Variants in AIF1 observed in about 807,000 individuals in gnomAD.
AIF1 encodes the protein interferon gamma responsive transcript.
Under a neutral mutation model 20.6 loss-of-function variants are expected in AIF1, and 21 were observed. The observed-to-expected ratio is 1.02, with a 90% CI of 0.72 to 1.47. The LOEUF (loss-of-function observed/expected upper bound fraction) is 1.47, where lower values mean the gene tolerates loss of function less well. Among genes scored for constraint, AIF1 ranks in the 40% most tolerant of loss-of-function variants. The pLI, the probability that AIF1 is intolerant of heterozygous loss-of-function variation, is 0.00. For synonymous variants in AIF1, 52 were observed against 65.8 expected (o/e 0.79, Z 1.01); for missense variants, 161 against 170.5 (o/e 0.94, Z 0.31).
Position 31,616,029 on chromosome 6 carries a change from G to A in AIF1, c.155-75G>A, listed in dbSNP as rs1188002749. 3 of 1,522,764 alleles carry A rather than the reference G, an allele frequency of 2.0e-6. No homozygotes were observed. The African/African-American group carries it at 4.2e-5, about 21-fold the overall frequency. The allele number at this position is 1,522,764 out of a possible 1,614,324, so 94.3% of individuals were successfully genotyped here. A position where few individuals can be genotyped will look rare whatever the true frequency, so the allele number is the denominator to read the frequency against. Reference sequence around the variant, plus strand: ...GTCTCCTCCACCTAGCAGTTGGTTGGCAACCCCTTCCTCAGTCCCCTGCTG... The same window carrying A: ...GTCTCCTCCACCTAGCAGTTGGTTGACAACCCCTTCCTCAGTCCCCTGCTG... On this transcript the variant is annotated intron_variant, in intron 3 of 5. Coordinates refer to ENST00000376059, the MANE Select transcript of AIF1 (RefSeq NM_001623.5). The surrounding 1 kb of genome is among the most constrained non-coding windows in gnomAD (Gnocchi z 4.0).
chr6:31,616,169 G>C lies in AIF1; in HGVS notation c.196+24G>C. 1 of 1,612,216 alleles carries C rather than the reference G, an allele frequency of 6.2e-7. No individual in the cohort carries two copies. Among genetic ancestry groups the C allele is most frequent in the African/African-American group, 1.3e-5 (1 of 75,008 alleles). ...TGGTGAGAAACGGGTGATTTGCGGG[G>C]GCAGGGTGGTGTGCAGGCCTAAGAA... On this transcript the variant is annotated intron_variant, in intron 4 of 5. Transcript: ENST00000376059. The surrounding 1 kb of genome is among the most constrained non-coding windows in gnomAD (Gnocchi z 4.0).
chr6:31,616,142 A>G lies in AIF1; in HGVS notation c.193A>G (p.Ile65Val). Residue 65 changes from isoleucine (I) to valine (V), a missense_variant, in exon 4 of 6, where the codon ATT (isoleucine) becomes GTT (valine). Physicochemically the swap from Ile to Val is conservative, Grantham distance 29. Transcript: ENST00000376059. The surrounding 1 kb of genome is among the most constrained non-coding windows in gnomAD (Gnocchi z 4.0). ...MEFDLNGNGD[I>V]DIMSLKRMLE... ...GTTTGACCTTAATGGAAATGGCGAT[A>G]TTGGTGAGAAACGGGTGATTTGCGG... is the stretch of plus-strand genomic sequence containing the variant. 5 of 1,608,364 alleles carry G rather than the reference A, an allele frequency of 3.1e-6. No homozygotes were observed. Among genetic ancestry groups the G allele is most frequent in the Non-Finnish European group, 4.2e-6 (5 of 1,177,186 alleles).
At chr6:31,615,603 G>A (rs1774259652) in intron 2 of AIF1, 21 bp downstream of exon 2, 1 of 1,613,658 alleles carries the variant, frequency 6.2e-7, no homozygotes, top group African/African-American at 1.3e-5. Context: ...GAACTAAGGG[G>A]GCAGAGCCAG....
In AIF1 at chr6:31,615,294, G is replaced by C; in HGVS notation, c.-36G>C. 6.2e-7 allele frequency: 1 copy of C among 1,604,264 alleles called. No homozygotes were observed. Among genetic ancestry groups the C allele is most frequent in the Non-Finnish European group, 8.5e-7 (1 of 1,174,286 alleles). On this transcript the variant is annotated 5_prime_UTR_variant, in exon 1 of 6. Coordinates refer to ENST00000376059, the MANE Select transcript of AIF1 (RefSeq NM_001623.5). ...CCTGCAGACAGAGGCCTCCAGCTTGGTCTGTCTCCCCACCTCTACCAGCAT... is the reference window on the plus strand; with the variant it reads ...CCTGCAGACAGAGGCCTCCAGCTTGCTCTGTCTCCCCACCTCTACCAGCAT...
In AIF1 at chr6:31,616,248, C is replaced by A. The variant is rs755007068; in HGVS notation, c.197-96C>A. 6.2e-7 allele frequency: 1 copy of A among 1,613,020 alleles called. No individual in the cohort carries two copies. Among genetic ancestry groups the A allele is most frequent in the South Asian group, 1.1e-5 (1 of 91,066 alleles). ...CCTCATGATTTGGGAGGGGGCCCAC[C>A]TACCACAGTGGGAGGAAGGAGAATG... is the stretch of plus-strand genomic sequence containing the variant. On this transcript the variant is annotated intron_variant, in intron 4 of 5. Transcript: ENST00000376059. This position sits in a 1 kb window ranked among gnomAD's most constrained non-coding sequence, Gnocchi z 4.0.
chr6:31,616,488 G>A lies in AIF1; in HGVS notation c.341G>A (p.Arg114Lys). 6.2e-7 allele frequency: 1 copy of A among 1,609,096 alleles called. No individual in the cohort carries two copies. Among genetic ancestry groups the A allele is most frequent in the Non-Finnish European group, 8.5e-7 (1 of 1,177,766 alleles). The change falls in exon 5 of 6, where the codon AGA becomes AAA. Residue 114 changes from arginine to lysine, a missense_variant. Arg to Lys is a conservative substitution (Grantham distance 26). Coordinates refer to ENST00000376059, the MANE Select transcript of AIF1 (RefSeq NM_001623.5). This position sits in a 1 kb window ranked among gnomAD's most constrained non-coding sequence, Gnocchi z 4.0. ...TTTCTCAGGATGATGCTGGGCAAGA[G>A]ATCTGCCATCCTAAAAATGTGAGTG... ...PDFLRMMLGKRSAILKMILMY... is the reference protein window; with the variant it reads ...PDFLRMMLGKKSAILKMILMY...
rs889757709 is a variant in AIF1, at chr6:31,616,894, G to T, written c.438G>T (p.Leu146Phe). ...CAGCCAAGAAAGCTATCTCTGAGTT[G>T]CCCTGATTTGAAGGGAAAAGGGATG... is the stretch of plus-strand genomic sequence containing the variant. ...GPPAKKAISE[L>F]P The change falls in exon 6 of 6, where the codon TTG becomes TTT. Residue 146 changes from leucine to phenylalanine, a missense_variant. Physicochemically the swap from Leu to Phe is conservative, Grantham distance 22. Transcript: ENST00000376059. The surrounding 1 kb of genome is among the most constrained non-coding windows in gnomAD (Gnocchi z 4.0). The T allele has an allele frequency of 1.9e-6, 3 of 1,614,096 alleles. No individual in the cohort carries two copies. The highest frequency in any genetic ancestry group is 1.1e-5 in the South Asian group (1 of 91,086).
chr6:31,617,007 C>A lies in AIF1; in HGVS notation c.*107C>A. ...AGTCAACAAATTAAATAAATTACCC[C>A]CTCCTCCAGATCAAGTCAGCTTAGT... On this transcript the variant is annotated 3_prime_UTR_variant, in exon 6 of 6. Transcript: ENST00000376059. 6.8e-7 allele frequency: 1 copy of A among 1,469,376 alleles called. No homozygotes were observed. The highest frequency in any genetic ancestry group is 2.4e-5 in the East Asian group (1 of 42,418). The allele number at this position is 1,469,376 out of a possible 1,614,324, so 91.0% of individuals were successfully genotyped here. A position where few individuals can be genotyped will look rare whatever the true frequency, so the allele number is the denominator to read the frequency against.
Position 31,616,645 on chromosome 6 carries a change from G to T in AIF1, c.359+139G>T. The stretch of plus-strand genomic sequence containing the variant: ...CTTAGAGGGACCCTTCCAAGGTCCC[G>T]ACCCCATCCCTATCCATAGTCCTGG... On this transcript the variant is annotated intron_variant, in intron 5 of 5. Transcript: ENST00000376059. The surrounding 1 kb of genome is among the most constrained non-coding windows in gnomAD (Gnocchi z 4.0). The T allele has an allele frequency of 2.0e-6, 3 of 1,487,130 alleles. No homozygotes were observed. The highest frequency in any genetic ancestry group is 2.7e-6 in the Non-Finnish European group (3 of 1,117,552). The allele number at this position is 1,487,130 out of a possible 1,614,324, so 92.1% of individuals were successfully genotyped here.
In AIF1 at chr6:31,616,533, G is replaced by C. The variant is rs778413782; in HGVS notation, c.359+27G>C. The C allele has an allele frequency of 6.3e-7, 1 of 1,575,488 alleles. No individual in the cohort carries two copies. Among genetic ancestry groups the C allele is most frequent in the East Asian group, 2.2e-5 (1 of 44,582 alleles). On this transcript the variant is annotated intron_variant, in intron 5 of 5. Transcript: ENST00000376059. The surrounding 1 kb of genome is among the most constrained non-coding windows in gnomAD (Gnocchi z 4.0). ...TGAGTGTCAATTTCCAACCTCCCCT[G>C]TACTTACCTGTTTTCTCCTCCCCCA...
rs765683094 is a variant in AIF1 at position 31,616,802 on chromosome 6, C to T, written c.360-14C>T. 1.9e-6 allele frequency: 3 copies of T among 1,614,028 alleles called. No individual in the cohort carries two copies. Among genetic ancestry groups the T allele is most frequent in the South Asian group, 2.2e-5 (2 of 91,078 alleles). ...GTGTTCCCTGATCCCTGTGCCTCTT[C>T]CCATCTCAACCAGGATCCTGATGTA... is the stretch of plus-strand genomic sequence containing the variant. On this transcript the variant is annotated splice_polypyrimidine_tract_variant and intron_variant, in intron 5 of 5. Coordinates refer to ENST00000376059, the MANE Select transcript of AIF1 (RefSeq NM_001623.5). This position sits in a 1 kb window ranked among gnomAD's most constrained non-coding sequence, Gnocchi z 4.0.
chr6:31,615,549 C>G lies in AIF1; in HGVS notation c.54C>G (p.Ala18=), dbSNP rs1236388064. 1.2e-6 allele frequency: 2 copies of G among 1,613,300 alleles called. No homozygotes were observed. Among genetic ancestry groups the G allele is most frequent in the Non-Finnish European group, 1.7e-6 (2 of 1,179,930 alleles). ...QGGKAFGLLK[A]QQEERLDEIN... is the part of the protein sequence containing the mutation. ...GAAAAGCTTTCGGACTGCTGAAGGC[C>G]CAGCAGGAAGAGAGGCTGGATGAGA... Residue 18 remains alanine, a synonymous_variant, in exon 2 of 6, where the codon GCC becomes GCG. Coordinates refer to ENST00000376059, the MANE Select transcript of AIF1 (RefSeq NM_001623.5).
In AIF1 at chr6:31,616,633, T is replaced by G; in HGVS notation, c.359+127T>G. On this transcript the variant is annotated intron_variant, in intron 5 of 5. Transcript: ENST00000376059. The surrounding 1 kb of genome is among the most constrained non-coding windows in gnomAD (Gnocchi z 4.0). ...CCTTCTTCCATCCTTAGAGGGACCCTTCCAAGGTCCCGACCCCATCCCTAT... is the reference window on the plus strand; with the variant it reads ...CCTTCTTCCATCCTTAGAGGGACCCGTCCAAGGTCCCGACCCCATCCCTAT... 6 of 1,489,514 alleles carry G rather than the reference T, an allele frequency of 4.0e-6. No individual in the cohort carries two copies. Among genetic ancestry groups the G allele is most frequent in the Non-Finnish European group, 5.4e-6 (6 of 1,118,910 alleles). 92.3% of individuals were successfully genotyped at this position (1,489,514 alleles called of 1,614,324 possible).
In AIF1 at chr6:31,616,219, C is replaced by T; in HGVS notation, c.196+74C>T. 6.2e-7 allele frequency: 1 copy of T among 1,613,202 alleles called. No homozygotes were observed. The highest frequency in any genetic ancestry group is 8.5e-7 in the Non-Finnish European group (1 of 1,179,988). On this transcript the variant is annotated intron_variant, in intron 4 of 5. Coordinates refer to ENST00000376059, the MANE Select transcript of AIF1 (RefSeq NM_001623.5). This position sits in a 1 kb window ranked among gnomAD's most constrained non-coding sequence, Gnocchi z 4.0. ...AGACAGAGGTCTCTCCTACATGCTC[C>T]ATTCCTCATGATTTGGGAGGGGGCC...
In AIF1 at chr6:31,616,141, T is replaced by C; in HGVS notation, c.192T>C (p.Asp64=). The C allele has an allele frequency of 6.2e-7, 1 of 1,608,172 alleles. No homozygotes were observed. The highest frequency in any genetic ancestry group is 8.5e-7 in the Non-Finnish European group (1 of 1,177,044). The change falls in exon 4 of 6, where the codon GAT becomes GAC. Residue 64 remains aspartate, a synonymous_variant. Transcript: ENST00000376059. The surrounding 1 kb of genome is among the most constrained non-coding windows in gnomAD (Gnocchi z 4.0). ...YMEFDLNGNG[D]IDIMSLKRML... is the part of the protein sequence containing the mutation. ...AGTTTGACCTTAATGGAAATGGCGA[T>C]ATTGGTGAGAAACGGGTGATTTGCG...
chr6:31,615,884 T>C (rs1774299481), intron 3 of AIF1, 148 bp downstream of exon 3: 1 of 1,487,096 alleles, frequency 6.7e-7, no homozygotes, highest in African/African-American at 1.4e-5. Flanking sequence ...CCTGCCACAC[T>C]GCGGTCCCTT....
chr6:31,615,957 T>A, intron 3 of AIF1, 147 bp from the exon 4 acceptor site: 1 of 1,492,712 alleles, frequency 6.7e-7, no homozygotes, highest in East Asian at 2.3e-5. Context: ...GCCCCTCAAC[T>A]CCCCAACCCC....
rs1561768624 is a variant in AIF1, at chr6:31,616,197, C to CA, written c.196+53dup. 1.9e-6 allele frequency: 3 copies of CA among 1,613,216 alleles called. No individual in the cohort carries two copies. The highest frequency in any genetic ancestry group is 2.2e-5 in the South Asian group (2 of 91,056). ...AGGGTGGTGTGCAGGCCTAAGAAGA[C>CA]AGAGGTCTCTCCTACATGCTCCATT... On this transcript the variant is annotated intron_variant, in intron 4 of 5. Transcript: ENST00000376059. This position sits in a 1 kb window ranked among gnomAD's most constrained non-coding sequence, Gnocchi z 4.0.
Position 31,616,783 on chromosome 6 carries a change from C to T in AIF1, c.360-33C>T. On this transcript the variant is annotated intron_variant, in intron 5 of 5. Transcript: ENST00000376059. This position sits in a 1 kb window ranked among gnomAD's most constrained non-coding sequence, Gnocchi z 4.0. ...ATTTATTCCCTTGAGAGGAGTGTTC[C>T]CTGATCCCTGTGCCTCTTCCCATCT... 1 of 1,613,956 alleles carries T rather than the reference C, an allele frequency of 6.2e-7. No individual in the cohort carries two copies.
Sources: allele counts gnomAD v4.1 joint callset, GRCh38; gene constraint gnomAD v4.1.1; non-coding constraint Gnocchi (gnomAD v3.1); transcripts MANE v1.5; gene names NCBI Gene and HGNC (gene_info 2026-07-23, HGNC 2026-07-21).